The following SRBD1 variants were observed in gnomAD, a reference collection of about 807,000 sequenced individuals.
SRBD1 encodes S1 RNA binding domain 1.
In SRBD1, 88 loss-of-function variants were observed where a neutral mutation model predicts 115.3. The ratio of observed to expected loss-of-function variants is 0.76; its 90% CI spans 0.64 to 0.91. SRBD1 has a LOEUF of 0.91. Ranked by LOEUF, SRBD1 falls within the 40% of genes least tolerant of loss-of-function variation. SRBD1 has a pLI of 0.00. For synonymous variants in SRBD1, 509 were observed against 407.7 expected, an observed-to-expected ratio of 1.25 and a Z score of -2.99; for missense variants, 1,385 against 1,177.4, an observed-to-expected ratio of 1.18 and a Z score of -2.58.
At chr2:45,610,254 C>G (rs1423575007) in intron 1 of SRBD1, among the ~76,000 whole-genome samples, 2 of 152,068 alleles carry the variant, frequency 1.3e-5, no homozygotes, top group Non-Finnish European at 2.9e-5. Context: ...GACGTGCACA[C>G]TAACAAATAC....
chr2:45,489,081 C>G (rs1298444657), intron 14 of SRBD1, among the ~76,000 whole-genome samples: 2 of 152,156 alleles, frequency 1.3e-5, no homozygotes, highest in African/African-American at 2.4e-5. Context: ...TACTGTCTTA[C>G]AGCTGACATT....
At chr2:45,596,995 CA>C (rs1194159969) in intron 4 of SRBD1, among the ~76,000 whole-genome samples, 1 of 129,428 alleles carries the variant, frequency 7.7e-6, no homozygotes, top group East Asian at 2.0e-4. Flanking sequence ...CCCTCACACA[CA>C]CACACACACA....
intron 1 of SRBD1, among the ~76,000 whole-genome samples, chr2:45,610,791 G>C (rs1674421444): frequency 6.6e-6 from 1 of 152,168 alleles, no homozygotes; most frequent in Non-Finnish European, 1.5e-5. Context: ...AGCCGGGTGT[G>C]ATGACGGGCG....
intron 9 of SRBD1, among the ~76,000 whole-genome samples, 176 bp from the exon 10 acceptor site, chr2:45,562,932 C>A (rs921431105): frequency 2.6e-5 from 4 of 152,112 alleles, no homozygotes; most frequent in African/African-American, 4.8e-5. Context: ...ATAAGGAAAA[C>A]CCTAACATGC....
In SRBD1 at chr2:45,599,614, C is replaced by A; in HGVS notation, c.483G>T (p.Trp161Cys). The part of the protein sequence containing the change: ...SSETPSTSTV[W>C]GGTCKKEEND... ...TCTCTTCCTTCTTGCATGTACCTCCCCACACAGTGCTTGTGGATGGTGTCT... is the reference window on the plus strand; with the variant it reads ...TCTCTTCCTTCTTGCATGTACCTCCACACACAGTGCTTGTGGATGGTGTCT... Residue 161 changes from tryptophan to cysteine, a missense_variant, in exon 4 of 21, where the codon TGG becomes TGT. Coordinates refer to ENST00000263736, the MANE Select transcript of SRBD1 (RefSeq NM_018079.5). The A allele has an allele frequency of 1.2e-6, 2 of 1,614,182 alleles. No individual in the cohort carries two copies. Among genetic ancestry groups the A allele is most frequent in the Non-Finnish European group, 1.7e-6 (2 of 1,180,026 alleles).
chr2:45,493,001 A>G (rs1307382574), intron 14 of SRBD1, among the ~76,000 whole-genome samples: 6 of 152,238 alleles, frequency 3.9e-5, no homozygotes, highest in Non-Finnish European at 2.9e-5. Context: ...ACTGACTGAT[A>G]CCTTTTTAAT....
intron 4 of SRBD1, among the ~76,000 whole-genome samples, chr2:45,587,266 T>A (rs866758344): frequency 6.8e-6 from 1 of 147,278 alleles, no homozygotes; most frequent in Non-Finnish European, 1.5e-5. Context: ...TTAAAATTGA[T>A]GTTAATTATA....
At chr2:45,494,177 ATTAAG>A (rs1381110836) in intron 14 of SRBD1, among the ~76,000 whole-genome samples, 3 of 152,226 alleles carry the variant, frequency 2.0e-5, no homozygotes, top group Non-Finnish European at 2.9e-5. Flanking sequence ...ATGATAAATT[ATTAAG>A]TTAAAACTGG....
intron 3 of SRBD1, among the ~76,000 whole-genome samples, chr2:45,600,666 A>G (rs1001755545): frequency 1.1e-4 from 16 of 152,076 alleles, no homozygotes; most frequent in Non-Finnish European, 2.2e-4. Flanking sequence ...CTGCCCCCCA[A>G]TCCAAGTGAC....
At chr2:45,520,733 G>A (rs754195572) in intron 14 of SRBD1, among the ~76,000 whole-genome samples, 13 of 152,220 alleles carry the variant, frequency 8.5e-5, no homozygotes, top group Middle Eastern at 3.4e-3. Context: ...GGGGGTGGTC[G>A]GAGAGAAGAA....
intron 4 of SRBD1, among the ~76,000 whole-genome samples, chr2:45,594,631 G>A (rs1673836849): frequency 6.6e-6 from 1 of 152,168 alleles, no homozygotes; most frequent in Admixed American, 6.6e-5. Context: ...TCAGGAAATA[G>A]AAACAAAATA....
At chr2:45,447,058 A>G (rs1668847374) in intron 16 of SRBD1, 1 of 152,222 alleles carries the variant, frequency 6.6e-6, no homozygotes, top group East Asian at 1.9e-4. Flanking sequence ...AATGTTTTCT[A>G]TCTGCATAAT....
rs1412940030 is a variant in SRBD1 at position 45,547,539 on chromosome 2, T to C, written c.1749A>G (p.Thr583=). The C allele has an allele frequency of 1.9e-6, 3 of 1,613,728 alleles. No individual in the cohort carries two copies. The highest frequency in any genetic ancestry group is 2.2e-5 in the South Asian group (2 of 91,038). The change falls in exon 13 of 21, where the codon ACA becomes ACG. Residue 583 remains threonine, a synonymous_variant. Transcript: ENST00000263736. ...QGFREAEKIK[T]LLLNFNCSTV... is the part of the protein sequence containing the mutation. ...TTTCATACTTGAAATTCAGCAAAAG[T>C]GTCTTTATTTTCTCCGCCTCTCGGA...
In SRBD1 at chr2:45,594,760, T is replaced by C. The variant is rs373970261; in HGVS notation, c.648+4689A>G. On this transcript the variant is annotated intron_variant, in intron 4 of 20. Coordinates refer to ENST00000263736, the MANE Select transcript of SRBD1 (RefSeq NM_018079.5). Reference sequence around the variant, plus strand: ...ACTAAAAATCAAAATGAACTCACCCTGGCTAAAATTTTAGTCACCAAACTA... The same window carrying C: ...ACTAAAAATCAAAATGAACTCACCCCGGCTAAAATTTTAGTCACCAAACTA... Among the ~76,000 whole-genome samples the C allele has an allele frequency of 2.8e-4, 43 of 152,306 alleles. No homozygotes were observed. In the South Asian group the frequency reaches 8.9e-3, roughly 32 times the overall value.
intron 10 of SRBD1, among the ~76,000 whole-genome samples, chr2:45,557,745 T>C (rs896768850): frequency 1.3e-5 from 2 of 152,232 alleles, no homozygotes; most frequent in African/African-American, 4.8e-5. Context: ...ACAAACCCTG[T>C]TGCTTAAATC....
At chr2:45,528,525 G>A (rs1379038647) in intron 14 of SRBD1, among the ~76,000 whole-genome samples, 1 of 151,796 alleles carries the variant, frequency 6.6e-6, no homozygotes, top group Non-Finnish European at 1.5e-5. Flanking sequence ...AGGTTTGGGA[G>A]CCAAAGCAAA....
chr2:45,571,107 T>A (rs763152379), intron 9 of SRBD1, among the ~76,000 whole-genome samples: 3 of 152,110 alleles, frequency 2.0e-5, no homozygotes, highest in Non-Finnish European at 4.4e-5. Context: ...CCTTAAGCTT[T>A]CACCTCTAGA....
chr2:45,592,215 T>C (rs1851556), intron 4 of SRBD1, among the ~76,000 whole-genome samples: 8,314 of 152,200 alleles, frequency 0.055, 583 homozygotes, highest in African/African-American at 0.16. Flanking sequence ...AAACCACTTT[T>C]TCTTCCCAGT....
intron 14 of SRBD1, among the ~76,000 whole-genome samples, chr2:45,539,229 A>T (rs1207216243): frequency 4.9e-4 from 74 of 151,966 alleles, no homozygotes; most frequent in Non-Finnish European, 7.4e-5. Context: ...CAAGAAAGAA[A>T]TTTTTTTGCT....
Sources: gnomAD v4.1 joint callset for allele counts (sites outside exome capture counted in the v4.1 genomes callset) on GRCh38, gnomAD v4.1.1 for gene constraint, MANE v1.5 for transcripts, NCBI Gene and HGNC (gene_info 2026-07-23, HGNC 2026-07-21) for gene names.